The following SEMA6D variants were observed in gnomAD, a reference collection of about 807,000 sequenced individuals.
SEMA6D encodes the protein semaphorin-6D.
SEMA6D carries 35 observed loss-of-function variants against 106.6 expected under a neutral mutation model. The observed-to-expected ratio is 0.33, with a 90% CI of 0.25 to 0.44. The LOEUF (loss-of-function observed/expected upper bound fraction) is 0.44, where lower values mean the gene tolerates loss of function less well. SEMA6D is among the 20% of genes least tolerant of loss of function. The probability of loss-of-function intolerance (pLI) is 1.00; values close to 1 mark genes in which losing one functional copy is unlikely to be tolerated. For synonymous variants in SEMA6D, 499 were observed against 487.7 expected, an observed-to-expected ratio of 1.02 and a Z score of -0.31; for missense variants, 1,185 against 1,345.9, an observed-to-expected ratio of 0.88 and a Z score of 1.87.
intron 1 of SEMA6D, among the ~76,000 whole-genome samples, chr15:47,197,325 G>A (rs1894427210): frequency 6.6e-6 from 1 of 152,164 alleles, no homozygotes; most frequent in Non-Finnish European, 1.5e-5. Flanking sequence ...ACACTTTTAA[G>A]TTTTCACAGG....
chr15:47,400,216 G>C (rs551939519), intron 1 of SEMA6D, among the ~76,000 whole-genome samples: 1 of 152,158 alleles, frequency 6.6e-6, no homozygotes, highest in African/African-American at 2.4e-5. Flanking sequence ...TAGGCTGAGC[G>C]TGGTGGCTTA....
chr15:47,456,252 ACACCTC>A (rs2042343288), intron 2 of SEMA6D, among the ~76,000 whole-genome samples: 1 of 151,982 alleles, frequency 6.6e-6, no homozygotes, highest in Non-Finnish European at 1.5e-5. Context: ...TGGAGTCCAT[ACACCTC>A]CATGGTATTC....
intron 4 of SEMA6D, among the ~76,000 whole-genome samples, chr15:47,647,079 T>G (rs1352716714): frequency 6.6e-6 from 1 of 152,194 alleles, no homozygotes; most frequent in Non-Finnish European, 1.5e-5. Context: ...ACAGGTACAA[T>G]TTTAGCTTAG....
intron 4 of SEMA6D, among the ~76,000 whole-genome samples, chr15:47,639,854 G>A (rs1596505063): frequency 6.6e-6 from 1 of 152,226 alleles, no homozygotes; most frequent in East Asian, 1.9e-4. Flanking sequence ...AACAAAGAAA[G>A]TCTGAGAAAC....
At chr15:47,296,554 T>G (rs1038836699) in intron 1 of SEMA6D, among the ~76,000 whole-genome samples, 1 of 152,164 alleles carries the variant, frequency 6.6e-6, no homozygotes, top group Non-Finnish European at 1.5e-5. Flanking sequence ...CAAGGGGGAA[T>G]GTTAACTGAA....
intron 3 of SEMA6D, among the ~76,000 whole-genome samples, chr15:47,535,559 G>C (rs1297119626): frequency 6.6e-6 from 1 of 151,974 alleles, no homozygotes; most frequent in Non-Finnish European, 1.5e-5. Flanking sequence ...AGCACCTACT[G>C]TACATAAGAG....
chr15:47,269,206 G>T (rs1289202411), intron 1 of SEMA6D, among the ~76,000 whole-genome samples: 4 of 152,012 alleles, frequency 2.6e-5, no homozygotes, highest in Non-Finnish European at 5.9e-5. Flanking sequence ...GTATGCCTGT[G>T]TATGCTCTGT....
intron 4 of SEMA6D, among the ~76,000 whole-genome samples, chr15:47,698,899 G>A (rs957289933): frequency 5.9e-5 from 9 of 151,942 alleles, no homozygotes; most frequent in South Asian, 2.1e-4. Context: ...TTTTCCAGCC[G>A]CTGTCATAAC....
chr15:47,494,757 T>G (rs1192590410), intron 3 of SEMA6D, among the ~76,000 whole-genome samples: 14 of 77,870 alleles, frequency 1.8e-4, no homozygotes, highest in African/African-American at 9.0e-4. Context: ...TATATATATA[T>G]ATATATATAT....
chr15:47,650,983 C>T (rs777639416), intron 4 of SEMA6D, among the ~76,000 whole-genome samples: 1 of 152,146 alleles, frequency 6.6e-6, no homozygotes, highest in Admixed American at 6.6e-5. Context: ...TGAGGGTGCT[C>T]GTGATTGTCT....
intron 1 of SEMA6D, among the ~76,000 whole-genome samples, chr15:47,197,252 C>CT (rs1165490688): frequency 6.6e-6 from 1 of 152,132 alleles, no homozygotes; most frequent in Non-Finnish European, 1.5e-5. Context: ...ATGCTGTACC[C>CT]TGTATACGAG....
chr15:47,233,781 T>C (rs1403358205), intron 1 of SEMA6D, among the ~76,000 whole-genome samples: 3 of 152,050 alleles, frequency 2.0e-5, no homozygotes, highest in Admixed American at 6.6e-5. Context: ...TACAACTTTA[T>C]TGAATTTATT....
chr15:47,327,364 A>G (rs1425344415), intron 1 of SEMA6D, among the ~76,000 whole-genome samples: 1 of 152,150 alleles, frequency 6.6e-6, no homozygotes, highest in Non-Finnish European at 1.5e-5. Context: ...TAATTGCCAT[A>G]CCCTCATATT....
chr15:47,408,350 A>T (rs1349785369), intron 1 of SEMA6D, among the ~76,000 whole-genome samples: 1 of 152,196 alleles, frequency 6.6e-6, no homozygotes, highest in African/African-American at 2.4e-5. Context: ...ATATATTTTA[A>T]ATATCTTATG....
chr15:47,578,945 T>C (rs1053970569), intron 3 of SEMA6D, among the ~76,000 whole-genome samples: 3 of 152,178 alleles, frequency 2.0e-5, no homozygotes, highest in Non-Finnish European at 2.9e-5. Context: ...ACCACCTATC[T>C]TGCATATGTG....
At chr15:47,734,451 G>C (rs2146812154) in intron 1 of SEMA6D, among the ~76,000 whole-genome samples, 1 of 152,148 alleles carries the variant, frequency 6.6e-6, no homozygotes, top group African/African-American at 2.4e-5. Context: ...TTTCGAACAA[G>C]GAGAACCACA....
At chr15:47,603,693 A>G (rs879191927) in intron 4 of SEMA6D, among the ~76,000 whole-genome samples, 1 of 151,968 alleles carries the variant, frequency 6.6e-6, no homozygotes, top group Non-Finnish European at 1.5e-5. Flanking sequence ...GGGAATATAT[A>G]TAATTATTAT....
chr15:47,508,821 T>A (rs961371199), intron 3 of SEMA6D, among the ~76,000 whole-genome samples: 2 of 152,236 alleles, frequency 1.3e-5, no homozygotes, highest in African/African-American at 2.4e-5. Flanking sequence ...CTTGTCATGT[T>A]TCTTGACTTA....
chr15:47,485,404 A>G (rs956275496), intron 3 of SEMA6D, among the ~76,000 whole-genome samples: 3 of 152,196 alleles, frequency 2.0e-5, no homozygotes, highest in African/African-American at 7.2e-5. Flanking sequence ...ACAATTAGAT[A>G]GAAACATAAC....
Sources: allele counts gnomAD v4.1 joint callset (sites outside exome capture counted in the v4.1 genomes callset), GRCh38; gene constraint gnomAD v4.1.1; transcripts MANE v1.5; gene names NCBI Gene and HGNC (gene_info 2026-07-23, HGNC 2026-07-21).